KLHDC2: variants seen among roughly 807,000 people sequenced by gnomAD.
KLHDC2 encodes kelch domain-containing protein 2.
A neutral mutation model predicts 62.3 loss-of-function variants in KLHDC2; 38 were observed. The ratio of observed to expected loss-of-function variants is 0.61; its 90% confidence interval spans 0.47 to 0.80. The LOEUF (loss-of-function observed/expected upper bound fraction) is 0.80, where lower values mean the gene tolerates loss of function less well. Ranked by LOEUF, KLHDC2 falls within the 30% of genes least tolerant of loss-of-function variation. The pLI is 0.00. For missense variants in KLHDC2, 430 were observed against 495.3 expected, an observed-to-expected ratio of 0.87 and a Z score of 1.25; for synonymous variants, 159 against 161.0, an observed-to-expected ratio of 0.99 and a Z score of 0.09.
chr14:49,777,708 C>A, intron 3 of KLHDC2, 131 bp from the exon 4 acceptor site: 1 of 553,744 alleles, frequency 1.8e-6, no homozygotes, highest in Non-Finnish European at 3.2e-6. Context: ...AGTCTGGCAG[C>A]CAGTCTGCAG....
chr14:49,785,021 G>C lies in KLHDC2; in HGVS notation c.*2068G>C. 7 of 1,611,110 alleles carry C rather than the reference G, an allele frequency of 4.3e-6. No homozygotes were observed. The highest frequency in any genetic ancestry group is 5.9e-6 in the Non-Finnish European group (7 of 1,177,508). ...TTTTTGCAGCTGTAAATACAAAAAA[G>C]AGTAAGAATAATCTACTGTTAAGTC... On this transcript the variant is annotated 3_prime_UTR_variant, in exon 13 of 13. Coordinates refer to ENST00000298307, the MANE Select transcript of KLHDC2 (RefSeq NM_014315.3).
chr14:49,778,338 TTTG>T, intron 5 of KLHDC2, 70 bp from the exon 6 acceptor site: 1 of 1,345,076 alleles, frequency 7.4e-7, no homozygotes, highest in Non-Finnish European at 1.1e-6. Context: ...TGCATTTTTC[TTTG>T]GTAATCAGGC....
chr14:49,775,888 A>G (rs947104553), intron 3 of KLHDC2, among the ~76,000 whole-genome samples: 2 of 152,112 alleles, frequency 1.3e-5, no homozygotes, highest in African/African-American at 2.4e-5. Context: ...TGGCCTCCCA[A>G]AGTGCTGGGA....
At chr14:49,774,725 A>G (rs181080946) in intron 3 of KLHDC2, 47 bp downstream of exon 3, 2 of 1,151,752 alleles carry the variant, frequency 1.7e-6, no homozygotes, top group East Asian at 2.3e-5. Context: ...TATTCTTATT[A>G]TCTTTCAAAC....
At chr14:49,776,984 T>C (rs920291304) in intron 3 of KLHDC2, among the ~76,000 whole-genome samples, 11 of 151,826 alleles carry the variant, frequency 7.2e-5, no homozygotes, top group Admixed American at 2.0e-4. Context: ...TGCAAAAATA[T>C]GGAACCAGAC....
chr14:49,785,329 G>A lies in KLHDC2; in HGVS notation c.*2376G>A, dbSNP rs1156883945. The stretch of plus-strand genomic sequence containing the variant: ...GAATCAAATAGGTTTTCCTAAAAAG[G>A]GAAAATAACAGTTACAAAGGCAATT... On this transcript the variant is annotated 3_prime_UTR_variant, in exon 13 of 13. Transcript: ENST00000298307. 2 of 1,604,256 alleles carry A rather than the reference G, an allele frequency of 1.2e-6. No individual in the cohort carries two copies. The highest frequency in any genetic ancestry group is 2.2e-5 in the South Asian group (2 of 90,814).
rs1889585105 is a variant in KLHDC2 at position 49,768,295 on chromosome 14, T to G, written c.-174T>G. On this transcript the variant is annotated 5_prime_UTR_variant, in exon 1 of 13. Transcript: ENST00000298307. ...CCCCGGCGGCGGCGGAGAGCCGTCCTCGGCCGAGGAGGCTGGGAAACGCGA... is the reference window on the plus strand; with the variant it reads ...CCCCGGCGGCGGCGGAGAGCCGTCCGCGGCCGAGGAGGCTGGGAAACGCGA... The G allele has an allele frequency of 1.5e-6, 1 of 660,558 alleles. No individual in the cohort carries two copies. 40.9% of individuals were successfully genotyped at this position (660,558 alleles called of 1,614,324 possible).
chr14:49,778,289 C>G, intron 5 of KLHDC2, 30 bp downstream of exon 5: 3 of 1,438,248 alleles, frequency 2.1e-6, no homozygotes, highest in Non-Finnish European at 2.9e-6. Flanking sequence ...TGCATATGGC[C>G]TCCTTAGTAT....
chr14:49,774,474 G>T, intron 2 of KLHDC2, 87 bp from the exon 3 acceptor site: 1 of 831,602 alleles, frequency 1.2e-6, no homozygotes, highest in Non-Finnish European at 2.1e-6. Context: ...TTCCTTTATT[G>T]TGAGGATATA....
chr14:49,771,440 C>T (rs921576826), intron 1 of KLHDC2, among the ~76,000 whole-genome samples, 154 bp from the exon 2 acceptor site: 1 of 151,960 alleles, frequency 6.6e-6, no homozygotes, highest in African/African-American at 2.4e-5. Flanking sequence ...TGAGCTTTAC[C>T]TTGAGTGTGT....
intron 1 of KLHDC2, chr14:49,768,937 G>GT (rs1416966621): frequency 3.2e-6 from 1 of 313,794 alleles, no homozygotes; most frequent in Non-Finnish European, 5.9e-6. Flanking sequence ...TGCTTGGGCG[G>GT]TGCATTCGGA....
In KLHDC2 at chr14:49,771,650, C is replaced by G. The variant is rs886316580; in HGVS notation, c.210C>G (p.Ile70Met). ...DFYLPREELWIYNMETGRWKK... is the reference protein window; with the variant it reads ...DFYLPREELWMYNMETGRWKK... Reference sequence around the variant, plus strand: ...ATCTGCCTAGAGAAGAACTATGGATCTACAACATGGAGACTGGAAGATGGT... The same window carrying G: ...ATCTGCCTAGAGAAGAACTATGGATGTACAACATGGAGACTGGAAGATGGT... The change falls in exon 2 of 13, where the codon ATC (isoleucine) becomes ATG (methionine). Residue 70 changes from isoleucine to methionine, a missense_variant. Transcript: ENST00000298307. The G allele has an allele frequency of 2.6e-6, 4 of 1,522,938 alleles. No individual in the cohort carries two copies. Among genetic ancestry groups the G allele is most frequent in the East Asian group, 2.3e-5 (1 of 44,432 alleles). 94.3% of individuals were successfully genotyped at this position (1,522,938 alleles called of 1,614,324 possible).
intron 3 of KLHDC2, chr14:49,775,021 G>T: frequency 4.4e-6 from 1 of 228,552 alleles, no homozygotes; most frequent in Non-Finnish European, 8.6e-6. Flanking sequence ...ATGGAGGGAA[G>T]GGTAAAAATG....
At position 49,783,077 on chromosome 14, in the gene KLHDC2, T is replaced by C; in HGVS notation, c.*124T>C. Reference sequence around the variant, plus strand: ...TTGCACCTGTTGGTTTTAATGTGCATGTGAATGGCCTAGAGAACCTATTTT... The same window carrying C: ...TTGCACCTGTTGGTTTTAATGTGCACGTGAATGGCCTAGAGAACCTATTTT... On this transcript the variant is annotated 3_prime_UTR_variant, in exon 13 of 13. Transcript: ENST00000298307. The C allele has an allele frequency of 2.1e-6, 2 of 962,194 alleles. No homozygotes were observed. The highest frequency in any genetic ancestry group is 3.0e-6 in the Non-Finnish European group (2 of 663,156). The allele number at this position is 962,194 out of a possible 1,614,324, so 59.6% of individuals were successfully genotyped here.
In KLHDC2 at chr14:49,771,577, ATTTT is replaced by A. The variant is rs573143913; in HGVS notation, c.154-12_154-9del. 1.3e-5 allele frequency: 15 copies of A among 1,147,482 alleles called. No individual in the cohort carries two copies. The highest frequency in any genetic ancestry group is 1.8e-5 in the Non-Finnish European group (14 of 768,544). The allele number at this position is 1,147,482 out of a possible 1,614,324, so 71.1% of individuals were successfully genotyped here. A position where few individuals can be genotyped will look rare whatever the true frequency, so the allele number is the denominator to read the frequency against. Reference sequence around the variant, plus strand: ...TAAAATACCAGTTTTTATATTTACAATTTTTTTTATTCTTAGAGTAATCAAGTCA... The same window carrying A: ...TAAAATACCAGTTTTTATATTTACAATTTTATTCTTAGAGTAATCAAGTCA... On this transcript the variant is annotated splice_polypyrimidine_tract_variant and intron_variant, in intron 1 of 12. Coordinates refer to ENST00000298307, the MANE Select transcript of KLHDC2 (RefSeq NM_014315.3).
chr14:49,774,574 A>T lies in KLHDC2; in HGVS notation c.247A>T (p.Thr83Ser), dbSNP rs1193311243. The T allele has an allele frequency of 6.2e-7, 1 of 1,612,038 alleles. No individual in the cohort carries two copies. The highest frequency in any genetic ancestry group is 2.2e-5 in the East Asian group (1 of 44,864). The part of the protein sequence containing the change: ...METGRWKKIN[T>S]EGDVPPSMSG... ...ATTCCCCCTCAGGAAAAAAATCAACACTGAAGGTGATGTTCCTCCTTCTAT... is the reference window on the plus strand; with the variant it reads ...ATTCCCCCTCAGGAAAAAAATCAACTCTGAAGGTGATGTTCCTCCTTCTAT... Residue 83 changes from threonine (T) to serine (S), a missense_variant, in exon 3 of 13, where the codon ACT becomes TCT. Coordinates refer to ENST00000298307, the MANE Select transcript of KLHDC2 (RefSeq NM_014315.3).
intron 3 of KLHDC2, among the ~76,000 whole-genome samples, chr14:49,777,457 T>G (rs751276789): frequency 6.6e-6 from 1 of 152,122 alleles, no homozygotes; most frequent in Non-Finnish European, 1.5e-5. Context: ...TAGCCAGGTA[T>G]GGTGGTACAT....
At chr14:49,780,853 C>G (rs1042493464) in intron 10 of KLHDC2, 78 bp downstream of exon 10, 1 of 804,218 alleles carries the variant, frequency 1.2e-6, no homozygotes, top group Non-Finnish European at 2.2e-6. Flanking sequence ...ATCCAGCATT[C>G]TTATTTATAA....
rs749184977 is a variant in KLHDC2 at position 49,778,426 on chromosome 14, A to C, written c.565A>C (p.Arg189=). Residue 189 remains arginine, a synonymous_variant, in exon 6 of 13, where the codon AGA becomes CGA. Coordinates refer to ENST00000298307, the MANE Select transcript of KLHDC2 (RefSeq NM_014315.3). ...TTTTCTGTAGAATTCAAGTCATCCA[A>C]GAGGATGGAATGATCATGTACATAT... is the stretch of plus-strand genomic sequence containing the variant. The part of the protein sequence containing the change: ...ETSFWNSSHP[R]GWNDHVHILD... 7 of 1,580,482 alleles carry C rather than the reference A, an allele frequency of 4.4e-6. No homozygotes were observed. The African/African-American group carries it at 6.8e-5, about 15-fold the overall frequency.
Sources: gnomAD v4.1 joint callset for allele counts (sites outside exome capture counted in the v4.1 genomes callset) on GRCh38, gnomAD v4.1.1 for gene constraint, MANE v1.5 for transcripts, NCBI Gene and HGNC (gene_info 2026-07-23, HGNC 2026-07-21) for gene names.